The following VIT variants were observed in gnomAD, a reference collection of about 807,000 sequenced individuals.
VIT encodes vitrin.
A neutral mutation model predicts 78.0 loss-of-function variants in VIT; 99 were observed. The ratio of observed to expected loss-of-function variants is 1.27; its 90% CI spans 1.08 to 1.50. VIT has a LOEUF of 1.50. Ranked by LOEUF, VIT falls within the 40% of genes most tolerant of loss-of-function variation. The pLI is 0.00. For missense variants in VIT, 1,126 were observed against 875.3 expected, an observed-to-expected ratio of 1.29 and a Z score of -3.61; for synonymous variants, 374 against 334.3, an observed-to-expected ratio of 1.12 and a Z score of -1.29.
At chr2:36,715,449 T>C (rs566512698) in intron 1 of VIT, among the ~76,000 whole-genome samples, 2 of 151,712 alleles carry the variant, frequency 1.3e-5, no homozygotes, top group East Asian at 1.9e-4. Flanking sequence ...AGGCACAGAA[T>C]TGCTTAAACT....
intron 7 of VIT, among the ~76,000 whole-genome samples, chr2:36,771,977 G>C (rs879640727): frequency 6.6e-6 from 1 of 152,122 alleles, no homozygotes; most frequent in Non-Finnish European, 1.5e-5. Context: ...ACAGAAAAAG[G>C]GATACAACTC....
chr2:36,791,376 A>G (rs1665491874), intron 12 of VIT, among the ~76,000 whole-genome samples: 1 of 152,120 alleles, frequency 6.6e-6, no homozygotes, highest in Non-Finnish European at 1.5e-5. Context: ...GAAGAAGCAA[A>G]ATGCCGTGTC....
chr2:36,721,205 A>C (rs1666486912), intron 2 of VIT, among the ~76,000 whole-genome samples: 1 of 152,206 alleles, frequency 6.6e-6, no homozygotes, highest in Non-Finnish European at 1.5e-5. Flanking sequence ...AATTAGCTTG[A>C]TTTAATCATT....
chr2:36,740,958 T>C (rs1283154265), intron 3 of VIT, among the ~76,000 whole-genome samples: 1 of 152,228 alleles, frequency 6.6e-6, no homozygotes. Flanking sequence ...AAATATTTAG[T>C]TGGTCTGACA....
intron 3 of VIT, among the ~76,000 whole-genome samples, chr2:36,736,739 C>T (rs562441341): frequency 6.6e-6 from 1 of 152,352 alleles, no homozygotes; most frequent in South Asian, 2.1e-4. Context: ...CCAACACACA[C>T]TCAGAAGTAG....
intron 5 of VIT, among the ~76,000 whole-genome samples, chr2:36,756,809 C>T (rs1376977026): frequency 6.6e-6 from 1 of 152,168 alleles, no homozygotes; most frequent in Non-Finnish European, 1.5e-5. Flanking sequence ...TAGGTGTTCA[C>T]CAAGTAGATC....
intron 4 of VIT, among the ~76,000 whole-genome samples, chr2:36,751,152 T>C (rs1022200542): frequency 6.6e-6 from 1 of 152,048 alleles, no homozygotes; most frequent in Admixed American, 6.5e-5. Flanking sequence ...TCCCAACACT[T>C]TGGGAGGCCA....
At chr2:36,763,383 C>A (rs1197424705) in intron 6 of VIT, among the ~76,000 whole-genome samples, 1 of 151,988 alleles carries the variant, frequency 6.6e-6, no homozygotes, top group Non-Finnish European at 1.5e-5. Flanking sequence ...GAAATGCTTT[C>A]CCATAAAAAT....
chr2:36,716,610 T>G (rs1459531508), intron 2 of VIT, among the ~76,000 whole-genome samples, 188 bp downstream of exon 2: 1 of 152,212 alleles, frequency 6.6e-6, no homozygotes, highest in Non-Finnish European at 1.5e-5. Context: ...AGGATGCATG[T>G]GTATGTGTTT....
At chr2:36,801,270 CT>C (rs779659671) in intron 12 of VIT, 30 bp from the exon 13 acceptor site, 2 of 1,561,584 alleles carry the variant, frequency 1.3e-6, no homozygotes, top group Admixed American at 3.3e-5. Context: ...AACTTTGCAG[CT>C]AATTTGTATT....
intron 1 of VIT, among the ~76,000 whole-genome samples, chr2:36,713,156 G>T (rs1007604002): frequency 6.6e-6 from 1 of 152,222 alleles, no homozygotes; most frequent in Non-Finnish European, 1.5e-5. Flanking sequence ...GGTGAGGTGG[G>T]AGGAGGATTG....
chr2:36,768,784 G>A (rs935115070), intron 7 of VIT, among the ~76,000 whole-genome samples: 1 of 152,108 alleles, frequency 6.6e-6, no homozygotes, highest in Admixed American at 6.6e-5. Flanking sequence ...GCTCAGCACA[G>A]CCAACTTCTT....
In VIT at chr2:36,786,471, C is replaced by G. The variant is rs550053669; in HGVS notation, c.911-658C>G. On this transcript the variant is annotated intron_variant, in intron 11 of 15. Transcript: ENST00000379242. ...ACCTCTCTTATAACCTTCATATATC[C>G]ACAGAGATCCAGAGATCCTAAGGCA... 4.5e-4 allele frequency among the ~76,000 whole-genome samples: 69 copies of G among 152,184 alleles called. 1 individual carries two copies. Among genetic ancestry groups the G allele is most frequent in the Middle Eastern group, 3.4e-3 (1 of 294 alleles).
intron 5 of VIT, among the ~76,000 whole-genome samples, chr2:36,755,283 A>G (rs942632353): frequency 2.0e-5 from 3 of 152,226 alleles, no homozygotes; most frequent in African/African-American, 7.2e-5. Context: ...TTTTAATTAC[A>G]CTGCAGTTAT....
Position 36,777,614 on chromosome 2 carries a change from A to G in VIT, c.802+2547A>G, listed in dbSNP as rs147859148. On this transcript the variant is annotated intron_variant, in intron 9 of 15. Coordinates refer to ENST00000379242, the MANE Select transcript of VIT (RefSeq NM_053276.4). The stretch of plus-strand genomic sequence containing the variant: ...TGGCTCATCTCCTACTGAGCTTGCA[A>G]TACCTAAAGTCGCTGGGATTTTTTA... Among the ~76,000 whole-genome samples, 32 of 152,214 alleles carry G rather than the reference A, an allele frequency of 2.1e-4. No homozygotes were observed. The East Asian group carries it at 6.2e-3, about 29-fold the overall frequency.
intron 9 of VIT, among the ~76,000 whole-genome samples, chr2:36,779,416 T>C (rs2148616477): frequency 6.6e-6 from 1 of 152,326 alleles, no homozygotes; most frequent in Admixed American, 6.5e-5. Flanking sequence ...GCTTCTACAT[T>C]TTTACCCCAG....
At position 36,755,190 on chromosome 2, in the gene VIT, G is replaced by A. The variant is rs1668691592; in HGVS notation, c.409+136G>A. The A allele has an allele frequency of 9.1e-6, 9 of 987,002 alleles. No individual in the cohort carries two copies. The East Asian group carries it at 2.3e-4, about 25-fold the overall frequency. 61.1% of individuals were successfully genotyped at this position (987,002 alleles called of 1,614,324 possible). On this transcript the variant is annotated intron_variant, in intron 5 of 15. Transcript: ENST00000379242. Reference sequence around the variant, plus strand: ...GAAGCATTCGTTTTTCTGATAATTAGAATCACGACACAATAAATTAGAATT... The same window carrying A: ...GAAGCATTCGTTTTTCTGATAATTAAAATCACGACACAATAAATTAGAATT...
chr2:36,804,563 G>T (rs1323118395), intron 13 of VIT, among the ~76,000 whole-genome samples: 1 of 152,224 alleles, frequency 6.6e-6, no homozygotes, highest in African/African-American at 2.4e-5. Context: ...CAGGCACGGT[G>T]GTTCAAACCT....
intron 14 of VIT, among the ~76,000 whole-genome samples, chr2:36,806,596 G>C (rs576872660): frequency 6.6e-6 from 1 of 152,224 alleles, no homozygotes; most frequent in South Asian, 2.1e-4. Flanking sequence ...GCCCAGGCTG[G>C]AATGCAGTGG....
Sources: gnomAD v4.1 joint callset for allele counts (sites outside exome capture counted in the v4.1 genomes callset) on GRCh38, gnomAD v4.1.1 for gene constraint, MANE v1.5 for transcripts, NCBI Gene and HGNC (gene_info 2026-07-23, HGNC 2026-07-21) for gene names.